The following KATNIP variants were observed in gnomAD, a reference collection of about 807,000 sequenced individuals.
KATNIP encodes katanin-interacting protein.
In KATNIP, 126 loss-of-function variants were observed where a neutral mutation model predicts 174.0. That is an observed-to-expected ratio of 0.72 (90% CI 0.63 to 0.84). The LOEUF (loss-of-function observed/expected upper bound fraction) is 0.84. KATNIP is among the 40% of genes least tolerant of loss of function. The pLI, the probability that KATNIP is intolerant of heterozygous loss-of-function variation, is 0.00. For synonymous variants in KATNIP, 810 were observed against 835.7 expected, an observed-to-expected ratio of 0.97 and a Z score of 0.53; for missense variants, 1,958 against 2,109.7, an observed-to-expected ratio of 0.93 and a Z score of 1.41.
At chr16:27,751,652 C>T in intron 16 of KATNIP, 67 bp from the exon 17 acceptor site, 2 of 1,489,176 alleles carry the variant, frequency 1.3e-6, no homozygotes, top group Non-Finnish European at 9.4e-7. Context: ...TGGGTTTAGG[C>T]TCTTGATCTA....
chr16:27,659,283 A>C (rs944983615), intron 6 of KATNIP, among the ~76,000 whole-genome samples: 1 of 152,200 alleles, frequency 6.6e-6, no homozygotes, highest in East Asian at 1.9e-4. Flanking sequence ...AGGCCGAGGC[A>C]GGAGGATCAC....
chr16:27,555,091 C>A (rs557162903), intron 1 of KATNIP, among the ~76,000 whole-genome samples: 3 of 152,240 alleles, frequency 2.0e-5, no homozygotes, highest in Admixed American at 2.0e-4. Context: ...AGCCACCGCA[C>A]CTGGCCCTGA....
rs944348797 is a variant in KATNIP, at chr16:27,779,713, C to T, written c.*1084C>T. The T allele has an allele frequency of 5.3e-5, 8 of 152,056 alleles. No individual in the cohort carries two copies. The highest frequency in any genetic ancestry group is 5.2e-4 in the Admixed American group (8 of 15,260). The allele number at this position is 152,056 out of a possible 1,614,324, so 9.4% of individuals were successfully genotyped here. On this transcript the variant is annotated 3_prime_UTR_variant, in exon 28 of 28. Transcript: ENST00000261588. ...TGGAAATGTGCCTTGCACCCCCAGC[C>T]GAGTGAAGCCCAGAACGCATCTATA... is the stretch of plus-strand genomic sequence containing the variant.
intron 18 of KATNIP, among the ~76,000 whole-genome samples, chr16:27,756,932 T>C (rs1269829709): frequency 6.6e-6 from 1 of 152,184 alleles, no homozygotes; most frequent in African/African-American, 2.4e-5. Context: ...TCCTGGAAGC[T>C]CCAGTTTATG....
intron 18 of KATNIP, among the ~76,000 whole-genome samples, chr16:27,758,127 C>A (rs1047968757): frequency 6.6e-6 from 1 of 152,122 alleles, no homozygotes; most frequent in Non-Finnish European, 1.5e-5. Flanking sequence ...GCTTGCCAGG[C>A]AAACAAAGAG....
Position 27,708,773 on chromosome 16 carries a change from C to A in KATNIP, c.1458C>A (p.Asn486Lys). ...AIYVTMEILS[N>K]WGNSWWVGLT... ...ACGTGACCATGGAGATCCTGTCCAA[C>A]TGGGGCAACTCGTGGTGGGTGGGTC... The change falls in exon 13 of 28, where the codon AAC (asparagine) becomes AAA (lysine). Residue 486 changes from asparagine to lysine, a missense_variant. Physicochemically the swap from Asn to Lys is moderately conservative, Grantham distance 94. Around this residue, in one of 3 missense-constraint regions of KATNIP, gnomAD observed 1,557 missense variants for 1,617.8 expected, o/e 0.96. Transcript: ENST00000261588. 6.2e-7 allele frequency: 1 copy of A among 1,613,882 alleles called. No homozygotes were observed. Among genetic ancestry groups the A allele is most frequent in the Non-Finnish European group, 8.5e-7 (1 of 1,180,000 alleles).
intron 16 of KATNIP, 35 bp from the exon 17 acceptor site, chr16:27,751,684 G>A: frequency 6.3e-7 from 1 of 1,598,780 alleles, no homozygotes. Flanking sequence ...GATGTGAAGT[G>A]AGTTGACCTT....
In KATNIP at chr16:27,608,439, G is replaced by T. The variant is rs572208368; in HGVS notation, c.64-9986G>T. ...TTTTTTGTATTTTTGTAGAGATGGGGTCCTGCTATGTTGCCCAGGCTGATC... is the reference window on the plus strand; with the variant it reads ...TTTTTTGTATTTTTGTAGAGATGGGTTCCTGCTATGTTGCCCAGGCTGATC... On this transcript the variant is annotated intron_variant, in intron 2 of 27. Transcript: ENST00000261588. Among the ~76,000 whole-genome samples, 18 of 145,516 alleles carry T rather than the reference G, an allele frequency of 1.2e-4. No homozygotes were observed. The East Asian group carries it at 3.4e-3, about 28-fold the overall frequency.
intron 5 of KATNIP, among the ~76,000 whole-genome samples, chr16:27,646,492 G>A (rs1289765835): frequency 2.0e-5 from 3 of 152,220 alleles, no homozygotes; most frequent in African/African-American, 4.8e-5. Flanking sequence ...GCCACATGTG[G>A]ACTGAGAGTT....
intron 2 of KATNIP, among the ~76,000 whole-genome samples, chr16:27,589,335 A>G (rs1049278445): frequency 2.0e-5 from 3 of 152,212 alleles, no homozygotes; most frequent in Non-Finnish European, 4.4e-5. Context: ...TAAATACTTC[A>G]GTCTTTGTGG....
Position 27,648,152 on chromosome 16 carries a change from G to A in KATNIP, c.409-452G>A, listed in dbSNP as rs186943774. Among the ~76,000 whole-genome samples, 66 of 152,182 alleles carry A rather than the reference G, an allele frequency of 4.3e-4. No homozygotes were observed. In the East Asian group the frequency reaches 6.0e-3, roughly 14 times the overall value. ...TCTACTAAAAATACAGAAATTTGCC[G>A]CGTGGTGGCAGGTGCCTGTTGTCCC... On this transcript the variant is annotated intron_variant, in intron 5 of 27. Coordinates refer to ENST00000261588, the MANE Select transcript of KATNIP (RefSeq NM_015202.5).
In KATNIP at chr16:27,750,126, A is replaced by G. The variant is rs372666962; in HGVS notation, c.3166A>G (p.Arg1056Gly). The G allele has an allele frequency of 5.8e-5, 93 of 1,614,050 alleles. No individual in the cohort carries two copies. The highest frequency in any genetic ancestry group is 7.5e-5 in the Non-Finnish European group (88 of 1,180,054). ...CTGGCTGGCCCCCTTCACGCGGGGCAGATCCCACTCCATCACCATTGACTT... is the reference window on the plus strand; with the variant it reads ...CTGGCTGGCCCCCTTCACGCGGGGCGGATCCCACTCCATCACCATTGACTT... ...HVWLAPFTRG[R>G]SHSITIDFTH... is the part of the protein sequence containing the mutation. The change falls in exon 16 of 28, where the codon AGA becomes GGA. Residue 1056 changes from arginine to glycine, a missense_variant. By Grantham distance (125) the Arg-to-Gly change is moderately radical (BLOSUM62 -2). This residue lies in a region of KATNIP where 1,557 missense variants were observed against 1,617.8 expected (regional missense o/e 0.96). Transcript: ENST00000261588.
At chr16:27,573,992 ACT>A (rs769261352) in intron 2 of KATNIP, 36 bp downstream of exon 2, 12 of 1,594,984 alleles carry the variant, frequency 7.5e-6, no homozygotes, top group Non-Finnish European at 1.0e-5. Flanking sequence ...ATGGGAGGCA[ACT>A]CTATTTGAAA....
chr16:27,763,619 CA>C (rs565418198), intron 19 of KATNIP, among the ~76,000 whole-genome samples: 1,277 of 50,728 alleles, frequency 0.025, 10 homozygotes, highest in African/African-American at 0.072. Context: ...TGTCTCAACA[CA>C]AAAAAAAAAA....
chr16:27,754,198 G>C lies in KATNIP; in HGVS notation c.3578G>C (p.Ser1193Thr). The change falls in exon 18 of 28, where the codon AGT becomes ACT. Residue 1193 changes from serine to threonine, a missense_variant. Transcript: ENST00000261588. ...ERIPELELPS[S>T]SPVPQVTTPE... Reference sequence around the variant, plus strand: ...ATCCCGGAGCTAGAGCTCCCATCCAGTTCCCCTGTCCCCCAAGTCACCACG... The same window carrying C: ...ATCCCGGAGCTAGAGCTCCCATCCACTTCCCCTGTCCCCCAAGTCACCACG... 2 of 1,614,046 alleles carry C rather than the reference G, an allele frequency of 1.2e-6. No individual in the cohort carries two copies. The highest frequency in any genetic ancestry group is 3.3e-4 in the Middle Eastern group (2 of 6,060).
intron 6 of KATNIP, among the ~76,000 whole-genome samples, chr16:27,675,702 T>G (rs2078088798): frequency 6.6e-6 from 1 of 152,180 alleles, no homozygotes; most frequent in African/African-American, 2.4e-5. Flanking sequence ...CGTTTTGTTC[T>G]TTCTTTCTCC....
At chr16:27,645,199 A>T (rs1001886095) in intron 5 of KATNIP, among the ~76,000 whole-genome samples, 1 of 152,198 alleles carries the variant, frequency 6.6e-6, no homozygotes. Flanking sequence ...ACCTGTGCAG[A>T]GTTGATGCCG....
At chr16:27,560,201 G>C (rs1479810703) in intron 1 of KATNIP, among the ~76,000 whole-genome samples, 1 of 145,682 alleles carries the variant, frequency 6.9e-6, no homozygotes, top group African/African-American at 2.5e-5. Context: ...AGAATCGCTT[G>C]AACCTGGGAG....
intron 2 of KATNIP, among the ~76,000 whole-genome samples, chr16:27,602,190 C>T (rs1267160294): frequency 1.3e-5 from 2 of 152,172 alleles, no homozygotes; most frequent in Non-Finnish European, 2.9e-5. Context: ...GGGGCAGCCT[C>T]AATCCTTCTA....
Sources: allele counts gnomAD v4.1 joint callset (sites outside exome capture counted in the v4.1 genomes callset), GRCh38; gene constraint gnomAD v4.1.1; regional missense constraint gnomAD v4.1.1; transcripts MANE v1.5; gene names NCBI Gene and HGNC (gene_info 2026-07-23, HGNC 2026-07-21).